The following FNDC3B variants were observed in gnomAD, a reference collection of about 807,000 sequenced individuals.
The protein encoded by FNDC3B is fibronectin type III domain containing 3B, also known as fibronectin type III domain-containing protein 3B.
A neutral mutation model predicts 151.5 loss-of-function variants in FNDC3B; 12 were observed. The observed-to-expected ratio is 0.08, with a 90% CI of 0.05 to 0.13. FNDC3B has a LOEUF of 0.13. Among genes scored for constraint, FNDC3B ranks in the 10% least tolerant of loss-of-function variants. The pLI is 1.00. For synonymous variants in FNDC3B, 528 were observed against 549.0 expected (o/e 0.96, Z 0.54); for missense variants, 1,214 against 1,505.3 (o/e 0.81, Z 3.20).
In FNDC3B at chr3:172,344,091, C is replaced by A. The variant is rs750889128; in HGVS notation, c.2083C>A (p.Pro695Thr). The change falls in exon 19 of 26, where the codon CCT (proline) becomes ACT (threonine). Residue 695 changes from proline (P) to threonine (T), a missense_variant. Physicochemically the swap from Pro to Thr is conservative, Grantham distance 38. Coordinates refer to ENST00000415807, the MANE Select transcript of FNDC3B (RefSeq NM_022763.4). ...AAAAAATTCTTCATTCCCAGATGTT[C>A]CTGCATCGGAAAGTGGCTGTGAGGT... is the stretch of plus-strand genomic sequence containing the variant. ...HKEVHLEWDVPASESGCEVSE... is the reference protein window; with the variant it reads ...HKEVHLEWDVTASESGCEVSE... The A allele has an allele frequency of 6.2e-7, 1 of 1,608,996 alleles. No homozygotes were observed. The highest frequency in any genetic ancestry group is 8.5e-7 in the Non-Finnish European group (1 of 1,177,750).
At chr3:172,070,311 C>A (rs1203894743) in intron 1 of FNDC3B, among the ~76,000 whole-genome samples, 1 of 152,080 alleles carries the variant, frequency 6.6e-6, no homozygotes, top group Non-Finnish European at 1.5e-5. Flanking sequence ...TTTCGAAAGT[C>A]TTAAAAAATA....
intron 3 of FNDC3B, among the ~76,000 whole-genome samples, chr3:172,180,372 T>A (rs1245037422): frequency 6.6e-6 from 1 of 152,254 alleles, no homozygotes. Flanking sequence ...CACTACTGTT[T>A]GAGAACATGA....
intron 3 of FNDC3B, among the ~76,000 whole-genome samples, chr3:172,199,420 C>T (rs1440512856): frequency 6.6e-6 from 1 of 151,760 alleles, no homozygotes; most frequent in Non-Finnish European, 1.5e-5. Context: ...ACCTCGTGAT[C>T]CGCCCGCCTC....
At chr3:172,143,970 C>T (rs143567215) in intron 3 of FNDC3B, among the ~76,000 whole-genome samples, 4,806 of 151,768 alleles carry the variant, frequency 0.032, 108 homozygotes, top group Middle Eastern at 0.051. Flanking sequence ...GAGGCTCATT[C>T]GTGCTTGTCA....
intron 3 of FNDC3B, chr3:172,225,580 C>T (rs1383988803): frequency 1.3e-5 from 2 of 157,972 alleles, no homozygotes; most frequent in Non-Finnish European, 2.8e-5. Context: ...TGTCATCCAC[C>T]TTATTGTATC....
At chr3:172,218,241 G>A (rs1406623628) in intron 3 of FNDC3B, among the ~76,000 whole-genome samples, 8 of 152,064 alleles carry the variant, frequency 5.3e-5, no homozygotes, top group Non-Finnish European at 1.2e-4. Context: ...CTAGAAATTG[G>A]GGAAGCAGGA....
chr3:172,336,917 A>C (rs983809202), intron 15 of FNDC3B, among the ~76,000 whole-genome samples: 3 of 152,226 alleles, frequency 2.0e-5, no homozygotes, highest in Admixed American at 6.5e-5. Flanking sequence ...GGAAAAAAAA[A>C]AAAAACAAAA....
intron 4 of FNDC3B, 124 bp downstream of exon 4, chr3:172,227,071 AT>A: frequency 1.5e-6 from 1 of 670,552 alleles, no homozygotes; most frequent in Non-Finnish European, 2.7e-6. Context: ...TAGGTTTGCC[AT>A]CATTTTGTGG....
At chr3:172,299,725 T>A (rs1730808285) in intron 9 of FNDC3B, among the ~76,000 whole-genome samples, 1 of 152,156 alleles carries the variant, frequency 6.6e-6, no homozygotes, top group Non-Finnish European at 1.5e-5. Flanking sequence ...ATTTACATCA[T>A]GAGTTTCTTT....
intron 2 of FNDC3B, among the ~76,000 whole-genome samples, chr3:172,118,695 T>G (rs1432902758): frequency 6.6e-6 from 1 of 152,194 alleles, no homozygotes; most frequent in East Asian, 1.9e-4. Context: ...ATGGGGAAGC[T>G]CGGTCTTGGA....
intron 6 of FNDC3B, among the ~76,000 whole-genome samples, chr3:172,267,542 T>C (rs1182679739): frequency 1.3e-5 from 2 of 152,250 alleles, no homozygotes; most frequent in East Asian, 3.8e-4. Context: ...AGTTGTGCTG[T>C]GGACGTGCAT....
At chr3:172,054,856 G>A (rs1472674646) in intron 1 of FNDC3B, among the ~76,000 whole-genome samples, 1 of 152,074 alleles carries the variant, frequency 6.6e-6, no homozygotes, top group African/African-American at 2.4e-5. Flanking sequence ...AGGTCCTCAT[G>A]ATGCAGATTA....
At chr3:172,198,266 C>A (rs1724952350) in intron 3 of FNDC3B, among the ~76,000 whole-genome samples, 1 of 152,066 alleles carries the variant, frequency 6.6e-6, no homozygotes, top group Non-Finnish European at 1.5e-5. Context: ...AAGCCAAGAT[C>A]TGTGGGGGGG....
rs35845168 is a variant in FNDC3B, at chr3:172,344,247, A to C, written c.2239A>C (p.Asn747His). Reference sequence around the variant, plus strand: ...GTATCGCTTCCGGGTGAGGGCTCTGAATGATGGAGGGGTGAGTATAAGCCC... The same window carrying C: ...GTATCGCTTCCGGGTGAGGGCTCTGCATGATGGAGGGGTGAGTATAAGCCC... ...TVYRFRVRAL[N>H]DGGYGPYSDV... The change falls in exon 19 of 26, where the codon AAT becomes CAT. Residue 747 changes from asparagine to histidine, a missense_variant. Around this residue, in one of 7 missense-constraint regions of FNDC3B, gnomAD observed 380 missense variants for 420.9 expected, o/e 0.90. Coordinates refer to ENST00000415807, the MANE Select transcript of FNDC3B (RefSeq NM_022763.4). The C allele has an allele frequency of 6.2e-7, 1 of 1,613,830 alleles. No homozygotes were observed. Among genetic ancestry groups the C allele is most frequent in the Non-Finnish European group, 8.5e-7 (1 of 1,179,820 alleles).
intron 16 of FNDC3B, 152 bp downstream of exon 16, chr3:172,337,553 T>C (rs1329053160): frequency 3.4e-6 from 2 of 581,470 alleles, no homozygotes; most frequent in Non-Finnish European, 6.1e-6. Context: ...ATTGGCAGTT[T>C]TTCTATTTCA....
At chr3:172,180,226 A>T (rs1343705416) in intron 3 of FNDC3B, among the ~76,000 whole-genome samples, 1 of 152,172 alleles carries the variant, frequency 6.6e-6, no homozygotes, top group Non-Finnish European at 1.5e-5. Context: ...AATCTGTCAG[A>T]TGTGGACTGT....
chr3:172,387,304 G>A (rs531837884), intron 25 of FNDC3B, among the ~76,000 whole-genome samples: 2 of 151,840 alleles, frequency 1.3e-5, no homozygotes, highest in African/African-American at 4.8e-5. Flanking sequence ...CACCATGTTG[G>A]CCAGGCTGGT....
chr3:172,362,549 A>G lies in FNDC3B; in HGVS notation c.2796-84A>G, dbSNP rs1734419354. The G allele has an allele frequency of 3.9e-6, 4 of 1,035,848 alleles. No individual in the cohort carries two copies. The East Asian group carries it at 9.5e-5, about 25-fold the overall frequency. 64.2% of individuals were successfully genotyped at this position (1,035,848 alleles called of 1,614,324 possible). On this transcript the variant is annotated intron_variant, in intron 22 of 25. Transcript: ENST00000415807. ...TTATTGCTTTAGGGACAAGTAATAA[A>G]TACTATGCTCAATGTTTATTTCGAA...
chr3:172,095,151 C>T (rs998174422), intron 1 of FNDC3B, among the ~76,000 whole-genome samples: 5 of 152,036 alleles, frequency 3.3e-5, no homozygotes, highest in African/African-American at 4.8e-5. Context: ...TCCTGTTGTT[C>T]AAAGTAAATG....
Sources: gnomAD v4.1 joint callset for allele counts (sites outside exome capture counted in the v4.1 genomes callset) on GRCh38, gnomAD v4.1.1 for gene constraint, gnomAD v4.1.1 regional missense constraint, MANE v1.5 for transcripts, NCBI Gene and HGNC (gene_info 2026-07-23, HGNC 2026-07-21) for gene names.